The following DMD variants were observed in gnomAD, a reference collection of about 807,000 sequenced individuals.
DMD encodes dystrophin.
DMD carries 63 observed loss-of-function variants against 330.1 expected under a neutral mutation model. The ratio of observed to expected loss-of-function variants is 0.19; its 90% confidence interval spans 0.16 to 0.24. The LOEUF (loss-of-function observed/expected upper bound fraction) is 0.24. DMD is among the 10% of genes least tolerant of loss of function. The pLI is 1.00. For missense variants in DMD, 3,344 were observed against 2,684.1 expected, an observed-to-expected ratio of 1.25 and a Z score of -5.43; for synonymous variants, 1,223 against 959.8, an observed-to-expected ratio of 1.27 and a Z score of -5.07.
intron 55 of DMD, among the ~76,000 whole-genome samples, chrX:31,605,481 A>G (rs1468531497): frequency 1.8e-5 from 2 of 112,182 alleles, no homozygotes; most frequent in Non-Finnish European, 3.8e-5. Flanking sequence ...ATTGTTAAAA[A>G]AAACCTTTTT....
intron 60 of DMD, among the ~76,000 whole-genome samples, chrX:31,442,333 A>G (rs1479347599): frequency 1.8e-5 from 2 of 111,436 alleles, no homozygotes; most frequent in Non-Finnish European, 3.8e-5. Flanking sequence ...ACGGTCAAAT[A>G]ATGGCTGAGC....
chrX:32,904,733 G>A (rs1326417015), intron 2 of DMD, among the ~76,000 whole-genome samples: 1 of 111,078 alleles, frequency 9.0e-6, no homozygotes, highest in Non-Finnish European at 1.9e-5. Flanking sequence ...ACCACCACAC[G>A]CCCGGCTAAT....
At chrX:32,037,394 T>G (rs1350472689) in intron 44 of DMD, among the ~76,000 whole-genome samples, 2 of 112,145 alleles carry the variant, frequency 1.8e-5, no homozygotes, top group African/African-American at 6.5e-5. Flanking sequence ...TAAATCTTCA[T>G]GGGCAAGATT....
chrX:31,972,740 A>G (rs1178284744), intron 44 of DMD, among the ~76,000 whole-genome samples: 1 of 111,942 alleles, frequency 8.9e-6, no homozygotes, highest in Non-Finnish European at 1.9e-5. Context: ...TTATTTTGAG[A>G]CAGGTAAATC....
chrX:32,416,810 C>T lies in DMD; in HGVS notation c.4072-4897G>A, dbSNP rs143101254. On this transcript the variant is annotated intron_variant, in intron 29 of 78. Coordinates refer to ENST00000357033, the MANE Select transcript of DMD (RefSeq NM_004006.3). ...AGGACATTAATCTCCATTTGACAACCACGCTTCACTTCACAGAGTTTACCA... is the reference window on the plus strand; with the variant it reads ...AGGACATTAATCTCCATTTGACAACTACGCTTCACTTCACAGAGTTTACCA... 2.3e-3 allele frequency among the ~76,000 whole-genome samples: 260 copies of T among 111,702 alleles called. 1 individual carries two copies. The highest frequency in any genetic ancestry group is 8.1e-3 in the African/African-American group (249 of 30,719).
At position 32,178,167 on chromosome X, in the gene DMD, A is replaced by T. The variant is rs139113076; in HGVS notation, c.6438+38749T>A. ...AGCAGAAACCTACCTTATGGCCAGAACATTCTCTGACCCAAAAGTCTCAAG... is the reference window on the plus strand; with the variant it reads ...AGCAGAAACCTACCTTATGGCCAGATCATTCTCTGACCCAAAAGTCTCAAG... On this transcript the variant is annotated intron_variant, in intron 44 of 78. Transcript: ENST00000357033. 6.1e-3 allele frequency among the ~76,000 whole-genome samples: 620 copies of T among 102,264 alleles called. 2 individuals are homozygous for T. Among genetic ancestry groups the T allele is most frequent in the African/African-American group, 0.021 (569 of 27,540 alleles). The allele number at this position is 102,264 out of a possible 115,157, so 88.8% of individuals were successfully genotyped here.
At chrX:31,542,361 C>T (rs1254973918) in intron 55 of DMD, among the ~76,000 whole-genome samples, 1 of 111,801 alleles carries the variant, frequency 8.9e-6, no homozygotes, top group Admixed American at 9.5e-5. Context: ...TAGTACAATA[C>T]AGTGATTAAG....
chrX:31,871,732 A>C (rs1243471239), intron 48 of DMD, among the ~76,000 whole-genome samples: 2 of 109,740 alleles, frequency 1.8e-5, no homozygotes, highest in African/African-American at 6.6e-5. Flanking sequence ...TGTGTTAAAA[A>C]AAAGGGCATG....
At chrX:31,250,082 A>G (rs2049195943) in intron 63 of DMD, among the ~76,000 whole-genome samples, 1 of 110,784 alleles carries the variant, frequency 9.0e-6, no homozygotes, top group African/African-American at 3.3e-5. Flanking sequence ...TTGCTGCAAA[A>G]CATTGCCTCC....
chrX:32,099,254 T>C (rs1426741855), intron 44 of DMD, among the ~76,000 whole-genome samples: 3 of 111,318 alleles, frequency 2.7e-5, no homozygotes, highest in Non-Finnish European at 5.7e-5. Flanking sequence ...CCAGTGATGG[T>C]GAGCATTTTT....
intron 55 of DMD, among the ~76,000 whole-genome samples, chrX:31,579,485 A>G (rs1291018349): frequency 8.9e-6 from 1 of 112,342 alleles, no homozygotes; most frequent in African/African-American, 3.2e-5. Context: ...AACCACCTAA[A>G]TCGCTGTTTC....
chrX:32,312,600 G>A (rs1052768364), intron 41 of DMD, among the ~76,000 whole-genome samples: 3 of 109,962 alleles, frequency 2.7e-5, no homozygotes, highest in Non-Finnish European at 5.7e-5. Flanking sequence ...AGAAAGGAAC[G>A]TTAAATAAAA....
intron 1 of DMD, among the ~76,000 whole-genome samples, chrX:33,116,701 A>G (rs750160037): frequency 8.9e-6 from 1 of 111,860 alleles, no homozygotes; most frequent in South Asian, 3.7e-4. Flanking sequence ...GCCGTTAGAG[A>G]AAGTGTTGTG....
chrX:32,378,850 C>T (rs970446255), intron 34 of DMD, among the ~76,000 whole-genome samples: 32 of 110,300 alleles, frequency 2.9e-4, no homozygotes, highest in African/African-American at 1.0e-3. Context: ...TTAAGCTCTC[C>T]ACCTACCAAG....
chrX:31,917,241 ATGT>A (rs1174030617), intron 47 of DMD, among the ~76,000 whole-genome samples: 1 of 112,079 alleles, frequency 8.9e-6, no homozygotes, highest in African/African-American at 3.2e-5. Flanking sequence ...TCATCAATTA[ATGT>A]TGTTGATAGA....
rs775959515 is a variant in DMD at position 32,514,654 on chromosome X, C to T, written c.2292+3354G>A. On this transcript the variant is annotated intron_variant, in intron 18 of 78. Transcript: ENST00000357033. The stretch of plus-strand genomic sequence containing the variant: ...TACTCAGGAGGCTGAGGCAGGAGAA[C>T]GGCGTGAACCCGGGAGGCAGAGCTT... Among the ~76,000 whole-genome samples, 589 of 112,119 alleles carry T rather than the reference C, an allele frequency of 5.3e-3. 3 individuals carry two copies. The highest frequency in any genetic ancestry group is 0.016 in the African/African-American group (495 of 30,918).
At chrX:33,275,399 A>C (rs2053218809) in intron 1 of DMD, among the ~76,000 whole-genome samples, 2 of 111,754 alleles carry the variant, frequency 1.8e-5, no homozygotes, top group Non-Finnish European at 3.8e-5. Context: ...AATGGGCAGA[A>C]AATGTGGGAT....
chrX:31,717,345 G>T (rs1603450905), intron 52 of DMD, among the ~76,000 whole-genome samples: 1 of 107,549 alleles, frequency 9.3e-6, no homozygotes, highest in Non-Finnish European at 1.9e-5. Flanking sequence ...TGGGCATTTT[G>T]GTTGCCCTGC....
chrX:32,692,506 A>G (rs1445567309), intron 9 of DMD, among the ~76,000 whole-genome samples: 1 of 111,701 alleles, frequency 9.0e-6, no homozygotes, highest in African/African-American at 3.3e-5. Flanking sequence ...GGGCAAAGGC[A>G]GAGATAGAGT....
Sources: gnomAD v4.1 joint callset for allele counts (sites outside exome capture counted in the v4.1 genomes callset) on GRCh38, gnomAD v4.1.1 for gene constraint, MANE v1.5 for transcripts, NCBI Gene and HGNC (gene_info 2026-07-23, HGNC 2026-07-21) for gene names.